MRPS28: variants seen among roughly 807,000 people sequenced by gnomAD.
MRPS28 encodes the protein mitochondrial ribosomal protein S28.
In MRPS28, 7 loss-of-function variants were observed where a neutral mutation model predicts 10.8. The observed-to-expected ratio is 0.65, with a 90% confidence interval of 0.37 to 1.22. The LOEUF (loss-of-function observed/expected upper bound fraction) is 1.22. Among genes scored for constraint, MRPS28 ranks in the 50% most tolerant of loss-of-function variants. The pLI, the probability that MRPS28 is intolerant of heterozygous loss-of-function variation, is 0.02. For missense variants in MRPS28, 265 were observed against 232.9 expected (o/e 1.14, Z -0.90); for synonymous variants, 121 against 93.3 (o/e 1.30, Z -1.71).
chr8:79,959,212 A>G (rs1807307567), intron 2 of MRPS28, among the ~76,000 whole-genome samples: 1 of 152,068 alleles, frequency 6.6e-6, no homozygotes, highest in African/African-American at 2.4e-5. Flanking sequence ...GCTCCAAAAT[A>G]CTGTTATTAA....
intron 2 of MRPS28, among the ~76,000 whole-genome samples, chr8:79,943,195 TGAAA>T (rs1424785132): frequency 6.6e-6 from 1 of 152,164 alleles, no homozygotes; most frequent in Non-Finnish European, 1.5e-5. Flanking sequence ...TCCTTACAGA[TGAAA>T]GAAGAGTGCT....
chr8:79,921,147 A>G (rs540924532), intron 2 of MRPS28, among the ~76,000 whole-genome samples: 6 of 150,790 alleles, frequency 4.0e-5, no homozygotes, highest in Admixed American at 6.6e-5. Context: ...CCATTGGTCT[A>G]TATCTCTGTT....
chr8:79,953,402 A>G (rs1390366829), intron 2 of MRPS28, among the ~76,000 whole-genome samples: 1 of 152,212 alleles, frequency 6.6e-6, no homozygotes, highest in African/African-American at 2.4e-5. Context: ...GAATAGAGAT[A>G]CCAGAAACAG....
chr8:79,989,455 G>A (rs1005578928), intron 2 of MRPS28, among the ~76,000 whole-genome samples: 7 of 152,138 alleles, frequency 4.6e-5, no homozygotes, highest in Admixed American at 2.6e-4. Flanking sequence ...AAAGTAATAA[G>A]AAATCTACGA....
intron 2 of MRPS28, among the ~76,000 whole-genome samples, chr8:79,987,549 G>C (rs1401332446): frequency 6.6e-6 from 1 of 152,054 alleles, no homozygotes; most frequent in African/African-American, 2.4e-5. Context: ...CTAATATCCA[G>C]AATCTACAAT....
At chr8:79,995,292 T>C (rs2130134191) in intron 2 of MRPS28, among the ~76,000 whole-genome samples, 1 of 152,308 alleles carries the variant, frequency 6.6e-6, no homozygotes, top group South Asian at 2.1e-4. Flanking sequence ...GCAGCTTATT[T>C]CTTGAGATTG....
At chr8:79,979,011 G>A (rs1379117519) in intron 2 of MRPS28, among the ~76,000 whole-genome samples, 1 of 151,772 alleles carries the variant, frequency 6.6e-6, no homozygotes, top group Non-Finnish European at 1.5e-5. Flanking sequence ...GTGTTGTTTT[G>A]TATCTTTAGT....
intron 2 of MRPS28, among the ~76,000 whole-genome samples, chr8:79,994,494 C>G (rs1341858765): frequency 6.6e-6 from 1 of 152,084 alleles, no homozygotes; most frequent in Non-Finnish European, 1.5e-5. Context: ...AAACATTATT[C>G]AAAATTTTTC....
At chr8:79,998,421 T>C (rs1808566836) in intron 2 of MRPS28, among the ~76,000 whole-genome samples, 1 of 152,214 alleles carries the variant, frequency 6.6e-6, no homozygotes, top group East Asian at 1.9e-4. Context: ...TCTCTAAATA[T>C]ACGTATGTCT....
intron 2 of MRPS28, among the ~76,000 whole-genome samples, chr8:79,980,438 A>T (rs2130074397): frequency 6.6e-6 from 1 of 152,392 alleles, no homozygotes; most frequent in East Asian, 1.9e-4. Flanking sequence ...AGACAAGAAC[A>T]GGCAGAAAAT....
intron 1 of MRPS28, among the ~76,000 whole-genome samples, chr8:80,020,950 A>T (rs1397523553): frequency 6.6e-6 from 1 of 152,160 alleles, no homozygotes; most frequent in Non-Finnish European, 1.5e-5. Flanking sequence ...TAAATGCTTT[A>T]AAATGTATAT....
intron 1 of MRPS28, among the ~76,000 whole-genome samples, chr8:80,026,723 C>T (rs1029787611): frequency 1.1e-4 from 16 of 152,060 alleles, no homozygotes; most frequent in African/African-American, 3.6e-4. Context: ...TTAGTGATGA[C>T]GAATGTCCTT....
chr8:80,004,890 T>C (rs992705694), intron 1 of MRPS28, among the ~76,000 whole-genome samples: 2 of 152,128 alleles, frequency 1.3e-5, no homozygotes, highest in East Asian at 1.9e-4. Flanking sequence ...GTATCAGTGA[T>C]TGAAGATCAA....
intron 1 of MRPS28, among the ~76,000 whole-genome samples, chr8:80,025,046 A>G (rs2130252238): frequency 6.6e-6 from 1 of 152,338 alleles, no homozygotes; most frequent in Non-Finnish European, 1.5e-5. Context: ...GGGAACAGCA[A>G]AATTCATCTT....
chr8:79,981,371 A>C (rs1807948905), intron 2 of MRPS28, among the ~76,000 whole-genome samples: 1 of 152,180 alleles, frequency 6.6e-6, no homozygotes, highest in Non-Finnish European at 1.5e-5. Flanking sequence ...TTTAAAAAAC[A>C]AGCTAAATTC....
Position 79,918,846 on chromosome 8 carries a change from T to A in MRPS28, c.*134A>T. The A allele has an allele frequency of 1.5e-6, 1 of 645,420 alleles. No homozygotes were observed. Among genetic ancestry groups the A allele is most frequent in the Non-Finnish European group, 2.3e-6 (1 of 435,822 alleles). The allele number at this position is 645,420 out of a possible 1,614,324, so 40.0% of individuals were successfully genotyped here. On this transcript the variant is annotated 3_prime_UTR_variant, in exon 3 of 3. Coordinates refer to ENST00000276585, the MANE Select transcript of MRPS28 (RefSeq NM_014018.3). ...GTGGGAATATTGCTAAAGAAAATTC[T>A]AATAAGAGTTATCTATAATTATAGC...
intron 2 of MRPS28, among the ~76,000 whole-genome samples, chr8:79,942,219 A>G (rs1189057200): frequency 1.3e-5 from 2 of 152,248 alleles, no homozygotes; most frequent in Non-Finnish European, 2.9e-5. Context: ...GTGGAATAAT[A>G]GATGGCAACC....
At chr8:79,983,286 T>C (rs972804453) in intron 2 of MRPS28, among the ~76,000 whole-genome samples, 17 of 151,746 alleles carry the variant, frequency 1.1e-4, no homozygotes, top group African/African-American at 3.4e-4. Context: ...ATCACCATCA[T>C]CAAAGACCAA....
intron 1 of MRPS28, among the ~76,000 whole-genome samples, chr8:80,018,615 C>T (rs746970819): frequency 2.6e-5 from 4 of 152,098 alleles, no homozygotes; most frequent in Non-Finnish European, 5.9e-5. Context: ...AAAAATAGAG[C>T]CACCATATGA....
Sources: allele counts gnomAD v4.1 joint callset (sites outside exome capture counted in the v4.1 genomes callset), GRCh38; gene constraint gnomAD v4.1.1; transcripts MANE v1.5; gene names NCBI Gene and HGNC (gene_info 2026-07-23, HGNC 2026-07-21).